KAZN: variants seen among roughly 807,000 people sequenced by gnomAD.
The protein encoded by KAZN is kazrin, periplakin interacting protein.
Under a neutral mutation model 87.4 loss-of-function variants are expected in KAZN, and 40 were observed. The ratio of observed to expected loss-of-function variants is 0.46; its 90% CI spans 0.36 to 0.60. The LOEUF is 0.60. Ranked by LOEUF, KAZN falls within the 20% of genes least tolerant of loss-of-function variation. The pLI, the probability that KAZN is intolerant of heterozygous loss-of-function variation, is 0.00. For missense variants in KAZN, 898 were observed against 1,073.9 expected (o/e 0.84, Z 2.29); for synonymous variants, 466 against 458.3 (o/e 1.02, Z -0.22).
chr1:14,100,570 G>T (rs1255241875), intron 1 of KAZN, among the ~76,000 whole-genome samples: 1 of 152,230 alleles, frequency 6.6e-6, no homozygotes, highest in Non-Finnish European at 1.5e-5. Context: ...GCAATGAGCT[G>T]TGACAATATG....
intron 2 of KAZN, among the ~76,000 whole-genome samples, chr1:14,544,346 C>CTTTTTTTT (rs1672995998): frequency 3.0e-5 from 2 of 67,160 alleles, no homozygotes; most frequent in African/African-American, 5.1e-5. Flanking sequence ...TTCTTTCTTT[C>CTTTTTTTT]TTTCTTTTTT....
At chr1:14,100,462 G>A (rs1378843963) in intron 1 of KAZN, among the ~76,000 whole-genome samples, 4 of 152,196 alleles carry the variant, frequency 2.6e-5, no homozygotes, top group African/African-American at 4.8e-5. Context: ...AATCAGCAAA[G>A]GCAAAAGGCT....
intron 2 of KAZN, among the ~76,000 whole-genome samples, chr1:14,577,831 G>C (rs752521159): frequency 3.9e-5 from 6 of 152,154 alleles, no homozygotes; most frequent in Non-Finnish European, 8.8e-5. Flanking sequence ...GCAAGGCCAA[G>C]ATATTATCAT....
intron 1 of KAZN, among the ~76,000 whole-genome samples, chr1:14,826,544 C>T (rs180998847): frequency 3.8e-4 from 58 of 152,308 alleles, no homozygotes; most frequent in Middle Eastern, 6.8e-3. Flanking sequence ...GGCCCGTTCC[C>T]CATGGGTGTC....
intron 2 of KAZN, among the ~76,000 whole-genome samples, chr1:14,371,568 T>G (rs1660485888): frequency 6.6e-6 from 1 of 151,944 alleles, no homozygotes; most frequent in South Asian, 2.1e-4. Context: ...GCTGAGTGTC[T>G]AAAGAAGAGA....
At chr1:13,927,071 A>G (rs10489150) in intron 1 of KAZN, among the ~76,000 whole-genome samples, 22,552 of 152,210 alleles carry the variant, frequency 0.15, 1,783 homozygotes, top group Non-Finnish European at 0.18. Flanking sequence ...TAAAAAAGAG[A>G]TGTCACATTT....
At chr1:14,332,987 G>C (rs973606373) in intron 2 of KAZN, among the ~76,000 whole-genome samples, 2 of 152,110 alleles carry the variant, frequency 1.3e-5, no homozygotes, top group Non-Finnish European at 2.9e-5. Context: ...CATCACCTAA[G>C]TATTAAGCCC....
At chr1:15,050,040 G>A (rs1674142683) in intron 4 of KAZN, among the ~76,000 whole-genome samples, 1 of 76,850 alleles carries the variant, frequency 1.3e-5, no homozygotes, top group Non-Finnish European at 2.4e-5. Flanking sequence ...GTAGGGTAGG[G>A]TAGGGTAGGG....
intron 2 of KAZN, among the ~76,000 whole-genome samples, chr1:14,319,050 ATTTATTTATTT>A (rs1655866802): frequency 1.4e-5 from 2 of 143,364 alleles, no homozygotes; most frequent in South Asian, 4.3e-4. Context: ...TTATTTATTT[ATTTATTTATTT>A]ATTTTTCTGG....
rs1024706300 is a variant in KAZN at position 14,538,759 on chromosome 1, CAA to C, written c.250-60222_250-60221del. 2.6e-5 allele frequency among the ~76,000 whole-genome samples: 4 copies of C among 152,216 alleles called. No homozygotes were observed. In the South Asian group the frequency reaches 8.3e-4, roughly 32 times the overall value. On this transcript the variant is annotated intron_variant, in intron 2 of 16. Transcript: ENST00000636203. The stretch of plus-strand genomic sequence containing the variant: ...AGGAAAGAAAAGTTCTCATTTTTTT[CAA>C]AGATATTCATCAGTAAACTGATCAC...
At chr1:14,366,860 G>A (rs1237554978) in intron 2 of KAZN, among the ~76,000 whole-genome samples, 1 of 152,218 alleles carries the variant, frequency 6.6e-6, no homozygotes, top group Non-Finnish European at 1.5e-5. Context: ...TGGTACCCAA[G>A]CTCTTGTTCA....
intron 1 of KAZN, among the ~76,000 whole-genome samples, chr1:14,015,007 T>C (rs1043012239): frequency 6.6e-6 from 1 of 152,210 alleles, no homozygotes; most frequent in African/African-American, 2.4e-5. Flanking sequence ...GGGAAAGGTT[T>C]TTATTGCCTC....
At chr1:15,050,034 G>A (rs115715146) in intron 4 of KAZN, among the ~76,000 whole-genome samples, 92 of 73,216 alleles carry the variant, frequency 1.3e-3, no homozygotes, top group South Asian at 4.6e-3. Flanking sequence ...AGTAGGGTAG[G>A]GTAGGGTAGG....
chr1:14,918,864 G>A (rs1405574608), intron 1 of KAZN, among the ~76,000 whole-genome samples: 1 of 151,442 alleles, frequency 6.6e-6, no homozygotes, highest in Non-Finnish European at 1.5e-5. Context: ...CTTGATTGCA[G>A]CCTTTAAGAG....
intron 1 of KAZN, among the ~76,000 whole-genome samples, chr1:14,934,885 C>T (rs957572769): frequency 6.6e-6 from 1 of 152,250 alleles, no homozygotes; most frequent in African/African-American, 2.4e-5. Flanking sequence ...GCCACCTTCA[C>T]ACCATGAGCG....
chr1:15,082,813 C>G (rs1258182486), intron 8 of KAZN, among the ~76,000 whole-genome samples: 2 of 152,250 alleles, frequency 1.3e-5, no homozygotes, highest in Non-Finnish European at 2.9e-5. Context: ...ATGCCTCAGC[C>G]TCTCAAGTAG....
intron 2 of KAZN, among the ~76,000 whole-genome samples, chr1:14,584,407 C>G (rs1179624613): frequency 6.6e-6 from 1 of 152,180 alleles, no homozygotes; most frequent in East Asian, 1.9e-4. Context: ...GGATGAGAAA[C>G]AAGGCCACTC....
chr1:14,754,767 G>A (rs1479708973), intron 1 of KAZN, among the ~76,000 whole-genome samples: 1 of 152,132 alleles, frequency 6.6e-6, no homozygotes, highest in Non-Finnish European at 1.5e-5. Flanking sequence ...AGAAAAGTGT[G>A]CTGAGAGGGA....
At chr1:15,032,061 C>CA (rs557627226) in intron 2 of KAZN, among the ~76,000 whole-genome samples, 67 of 151,734 alleles carry the variant, frequency 4.4e-4, no homozygotes, top group African/African-American at 1.5e-3. Context: ...TTTACCACCT[C>CA]AAAAAAAATC....
Sources: allele counts gnomAD v4.1 joint callset (sites outside exome capture counted in the v4.1 genomes callset), GRCh38; gene constraint gnomAD v4.1.1; transcripts MANE v1.5; gene names NCBI Gene and HGNC (gene_info 2026-07-23, HGNC 2026-07-21).